Variants in DNAJB4 observed in about 807,000 individuals in gnomAD.
DNAJB4 encodes dnaJ homolog subfamily B member 4.
In DNAJB4, 10 loss-of-function variants were observed where a neutral mutation model predicts 26.6. That is an observed-to-expected ratio of 0.38 (90% CI 0.23 to 0.64). DNAJB4 has a LOEUF of 0.64. Ranked by LOEUF, DNAJB4 falls within the 30% of genes least tolerant of loss-of-function variation. DNAJB4 has a pLI of 0.58. For missense variants in DNAJB4, 328 were observed against 408.2 expected, an observed-to-expected ratio of 0.80 and a Z score of 1.69; for synonymous variants, 136 against 134.8, an observed-to-expected ratio of 1.01 and a Z score of -0.06.
At chr1:78,005,481 C>T (rs1163704852) in intron 1 of DNAJB4, among the ~76,000 whole-genome samples, 160 bp downstream of exon 1, 1 of 151,652 alleles carries the variant, frequency 6.6e-6, no homozygotes, top group Non-Finnish European at 1.5e-5. Context: ...TGTATAATAA[C>T]AAGGTTTCAT....
At chr1:77,986,972 G>A (rs74912637) in intron 1 of DNAJB4, among the ~76,000 whole-genome samples, 1,537 of 152,164 alleles carry the variant, frequency 0.01, 32 homozygotes, top group African/African-American at 0.035. Flanking sequence ...TTAAATGGAA[G>A]GGGAAAGTTT....
upstream of DNAJB4, among the ~76,000 whole-genome samples, chr1:78,001,818 T>G (rs887714740): frequency 1.3e-5 from 2 of 152,170 alleles, no homozygotes; most frequent in African/African-American, 4.8e-5. Flanking sequence ...ATGAGCCACC[T>G]CACCTGACTG....
intron 1 of DNAJB4, among the ~76,000 whole-genome samples, chr1:77,989,959 TC>T (rs1659893341): frequency 6.6e-6 from 1 of 152,206 alleles, no homozygotes; most frequent in Non-Finnish European, 1.5e-5. Flanking sequence ...CCAGAACATC[TC>T]TCTTACATCT....
At chr1:78,004,163 G>A (rs1208815641), upstream of DNAJB4, among the ~76,000 whole-genome samples, 2 of 152,158 alleles carry the variant, frequency 1.3e-5, no homozygotes, top group African/African-American at 4.8e-5. Context: ...TCTTTAAATA[G>A]GGATCCTGTG....
At chr1:77,988,574 T>A (rs965803764) in intron 1 of DNAJB4, among the ~76,000 whole-genome samples, 15 of 152,204 alleles carry the variant, frequency 9.9e-5, no homozygotes, top group African/African-American at 2.9e-4. Context: ...ATTCCCTCAC[T>A]TCTAGGCTTT....
chr1:78,000,765 C>T (rs1437276049), upstream of DNAJB4, among the ~76,000 whole-genome samples: 1 of 151,934 alleles, frequency 6.6e-6, no homozygotes, highest in Admixed American at 6.6e-5. Context: ...GGGTGAATCA[C>T]GAGGTCAAGA....
chr1:77,991,032 G>A (rs1242419800), intron 1 of DNAJB4, among the ~76,000 whole-genome samples: 3 of 152,164 alleles, frequency 2.0e-5, no homozygotes, highest in Non-Finnish European at 4.4e-5. Flanking sequence ...GGGAAGTGTA[G>A]GAGCTCAAGG....
intron 1 of DNAJB4, among the ~76,000 whole-genome samples, chr1:77,986,434 T>C (rs1183289442): frequency 6.6e-6 from 1 of 152,230 alleles, no homozygotes; most frequent in Non-Finnish European, 1.5e-5. Context: ...TTTCCTAATG[T>C]ACTTCTTCCG....
chr1:77,998,492 C>G (rs1660115954), intron 1 of DNAJB4, among the ~76,000 whole-genome samples: 1 of 152,078 alleles, frequency 6.6e-6, no homozygotes. Flanking sequence ...AGACACTTGC[C>G]TTAAGTTTAT....
At chr1:78,011,525 C>G (rs1240877067) in intron 1 of DNAJB4, among the ~76,000 whole-genome samples, 1 of 149,810 alleles carries the variant, frequency 6.7e-6, no homozygotes, top group African/African-American at 2.5e-5. Context: ...GCTCCTGTTG[C>G]CCAGGCCGGA....
At chr1:78,003,759 T>C (rs569562680), upstream of DNAJB4, among the ~76,000 whole-genome samples, 2 of 152,274 alleles carry the variant, frequency 1.3e-5, no homozygotes, top group South Asian at 4.1e-4. Context: ...AAATATGTTA[T>C]ACTTTCAAAA....
Position 78,013,649 on chromosome 1 carries a change from C to G in DNAJB4, c.780+30C>G, listed in dbSNP as rs1660557017. On this transcript the variant is annotated intron_variant, in intron 2 of 2. Transcript: ENST00000370763. ...GTTGGTAGGACCTAAAATCCTAAGACCAAATAATTATGTAGTTGATCATAG... is the reference window on the plus strand; with the variant it reads ...GTTGGTAGGACCTAAAATCCTAAGAGCAAATAATTATGTAGTTGATCATAG... The G allele has an allele frequency of 2.0e-6, 3 of 1,484,302 alleles. No individual in the cohort carries two copies. In the East Asian group the frequency reaches 6.8e-5, roughly 34 times the overall value. The allele number at this position is 1,484,302 out of a possible 1,614,324, so 91.9% of individuals were successfully genotyped here.
At chr1:78,002,310 A>G (rs1412503232), upstream of DNAJB4, among the ~76,000 whole-genome samples, 25 of 152,164 alleles carry the variant, frequency 1.6e-4, 1 homozygote, top group Non-Finnish European at 1.5e-4. Context: ...CCGCATTCAT[A>G]TCATACAAAC....
At chr1:77,983,602 G>A (rs1236236146) in intron 1 of DNAJB4, among the ~76,000 whole-genome samples, 1 of 152,144 alleles carries the variant, frequency 6.6e-6, no homozygotes, top group Non-Finnish European at 1.5e-5. Context: ...CTTAAGGAGA[G>A]TGCTGCCTTC....
chr1:78,008,639 A>G (rs1054168554), intron 1 of DNAJB4, among the ~76,000 whole-genome samples: 1 of 152,186 alleles, frequency 6.6e-6, no homozygotes, highest in Non-Finnish European at 1.5e-5. Flanking sequence ...AATGATGGAA[A>G]TGTTCTATAA....
upstream of DNAJB4, chr1:78,004,862 G>C: frequency 2.1e-6 from 1 of 482,744 alleles, no homozygotes; most frequent in Non-Finnish European, 3.7e-6. Flanking sequence ...ACAGAGACAC[G>C]TAGTGAAAAT....
chr1:78,016,082 T>C lies in DNAJB4; in HGVS notation c.849T>C (p.Asp283=), dbSNP rs753917342. Residue 283 remains aspartate, a synonymous_variant, in exon 3 of 3, where the codon GAT becomes GAC. Transcript: ENST00000370763. ...GAAACATACCTATGTCAGTAAATGA[T>C]ATTGTGAAACCCGGAATGAGGAGAA... ...DGRNIPMSVN[D]IVKPGMRRRI... The C allele has an allele frequency of 2.5e-6, 4 of 1,614,114 alleles. No homozygotes were observed. The highest frequency in any genetic ancestry group is 3.4e-6 in the Non-Finnish European group (4 of 1,180,020).
intron 1 of DNAJB4, among the ~76,000 whole-genome samples, chr1:77,995,573 C>T (rs1660040684): frequency 6.6e-6 from 1 of 152,176 alleles, no homozygotes; most frequent in Admixed American, 6.5e-5. Context: ...CTGCCTCAGC[C>T]TCCCAAGTAG....
intron 1 of DNAJB4, among the ~76,000 whole-genome samples, chr1:77,997,248 C>T (rs1037625461): frequency 5.6e-5 from 8 of 142,132 alleles, no homozygotes; most frequent in African/African-American, 1.6e-4. Flanking sequence ...GAGGTTGAGA[C>T]GGGAGGATTG....
Sources: gnomAD v4.1 joint callset for allele counts (sites outside exome capture counted in the v4.1 genomes callset) on GRCh38, gnomAD v4.1.1 for gene constraint, MANE v1.5 for transcripts, NCBI Gene and HGNC (gene_info 2026-07-23, HGNC 2026-07-21) for gene names.